IRS1: variants seen among roughly 807,000 people sequenced by gnomAD.
IRS1 encodes insulin receptor substrate 1.
A neutral mutation model predicts 65.6 loss-of-function variants in IRS1; 34 were observed. That is an observed-to-expected ratio of 0.52 (90% CI 0.39 to 0.69). The LOEUF is 0.69. Ranked by LOEUF, IRS1 falls within the 30% of genes least tolerant of loss-of-function variation. IRS1 has a pLI of 0.00. For synonymous variants in IRS1, 699 were observed against 683.5 expected (o/e 1.02, Z -0.35); for missense variants, 1,641 against 1,720.2 (o/e 0.95, Z 0.81).
At chr2:226,786,193 G>T (rs1010714297) in intron 1 of IRS1, among the ~76,000 whole-genome samples, 1 of 150,554 alleles carries the variant, frequency 6.6e-6, no homozygotes, top group Non-Finnish European at 1.5e-5. Context: ...GAATAGTGCC[G>T]CAGTAAACAT....
chr2:226,782,069 G>A (rs1268567808), intron 1 of IRS1, among the ~76,000 whole-genome samples: 1 of 152,050 alleles, frequency 6.6e-6, no homozygotes, highest in African/African-American at 2.4e-5. Flanking sequence ...CGCTTTGAAA[G>A]GAAGTTATTG....
Position 226,733,868 on chromosome 2 carries a change from T to C in IRS1, c.*2404A>G, listed in dbSNP as rs1938276760. The C allele has an allele frequency of 6.6e-6, 1 of 152,226 alleles. No homozygotes were observed. Among genetic ancestry groups the C allele is most frequent in the Non-Finnish European group, 1.5e-5 (1 of 68,046 alleles). The allele number at this position is 152,226 out of a possible 1,614,324, so 9.4% of individuals were successfully genotyped here. The stretch of plus-strand genomic sequence containing the variant: ...CCACTAGAAGCAGCTTAAATAAGAA[T>C]TTCTACCTTTATGCTTTTCGACTCA... On this transcript the variant is annotated 3_prime_UTR_variant, in exon 2 of 2. Transcript: ENST00000305123.
Position 226,797,548 on chromosome 2 carries a change from G to A in IRS1, c.1191C>T (p.Thr397=). 3 of 1,606,712 alleles carry A rather than the reference G, an allele frequency of 1.9e-6. No individual in the cohort carries two copies. The highest frequency in any genetic ancestry group is 2.5e-6 in the Non-Finnish European group (3 of 1,177,634). ...AATCCGAGGTGGAGCCATGGCCACT[G>A]GTGCTACTGGACGACAGACTGACCG... is the stretch of plus-strand genomic sequence containing the variant. The part of the protein sequence containing the change: ...TSPVSLSSSS[T]SGHGSTSDCL... Residue 397 remains threonine, a synonymous_variant, in exon 1 of 2, where the codon ACC becomes ACT. Coordinates refer to ENST00000305123, the MANE Select transcript of IRS1 (RefSeq NM_005544.3). The surrounding 1 kb of genome is among the most constrained non-coding windows in gnomAD (Gnocchi z 8.1).
chr2:226,791,333 C>T (rs897022373), intron 1 of IRS1, among the ~76,000 whole-genome samples: 1 of 152,064 alleles, frequency 6.6e-6, no homozygotes, highest in African/African-American at 2.4e-5. Flanking sequence ...GACCGGAAGA[C>T]GAAGGAACGT....
chr2:226,777,174 T>A (rs1423415638), intron 1 of IRS1, among the ~76,000 whole-genome samples: 1 of 152,168 alleles, frequency 6.6e-6, no homozygotes, highest in Non-Finnish European at 1.5e-5. Flanking sequence ...CAATAATGTG[T>A]CACATTAGTT....
intron 1 of IRS1, among the ~76,000 whole-genome samples, chr2:226,754,993 A>C (rs1446541609): frequency 6.6e-6 from 1 of 152,202 alleles, no homozygotes; most frequent in Non-Finnish European, 1.5e-5. Flanking sequence ...TATTTTGACA[A>C]ACACAAACAG....
rs1384083792 is a variant in IRS1 at position 226,795,449 on chromosome 2, C to T, written c.3290G>A (p.Arg1097Gln). The change falls in exon 1 of 2, where the codon CGG becomes CAG. Residue 1097 changes from arginine (R) to glutamine (Q), a missense_variant. Arg to Gln is a conservative substitution (Grantham distance 43). Coordinates refer to ENST00000305123, the MANE Select transcript of IRS1 (RefSeq NM_005544.3). ...VIRADPQGCR[R>Q]RHSSETFSST... ...GGAGAAAGTCTCGGAGCTATGCCTCCGCCGGCACCCTTGTGGGTCTGCACG... is the reference window on the plus strand; with the variant it reads ...GGAGAAAGTCTCGGAGCTATGCCTCTGCCGGCACCCTTGTGGGTCTGCACG... The T allele has an allele frequency of 4.3e-6, 7 of 1,613,576 alleles. No homozygotes were observed. Among genetic ancestry groups the T allele is most frequent in the East Asian group, 2.2e-5 (1 of 44,880 alleles).
In IRS1 at chr2:226,799,145, C is replaced by T; in HGVS notation, c.-407G>A. The stretch of plus-strand genomic sequence containing the variant: ...CCTGCGGTGCCCCTCCAGGAGCGCG[C>T]GCGCGCGCGCGCCTTCCCTCCTGAG... On this transcript the variant is annotated 5_prime_UTR_variant, in exon 1 of 2. Coordinates refer to ENST00000305123, the MANE Select transcript of IRS1 (RefSeq NM_005544.3). The surrounding 1 kb of genome is among the most constrained non-coding windows in gnomAD (Gnocchi z 6.1). 1 of 1,102,674 alleles carries T rather than the reference C, an allele frequency of 9.1e-7. No individual in the cohort carries two copies. The highest frequency in any genetic ancestry group is 8.4e-5 in the East Asian group (1 of 11,968). The allele number at this position is 1,102,674 out of a possible 1,614,324, so 68.3% of individuals were successfully genotyped here.
At position 226,741,830 on chromosome 2, in the gene IRS1, A is replaced by AC. The variant is rs1559146747; in HGVS notation, c.*22-5581dup. Among the ~76,000 whole-genome samples, 334 of 84,302 alleles carry AC rather than the reference A, an allele frequency of 4.0e-3. 2 individuals carry two copies. The highest frequency in any genetic ancestry group is 0.014 in the African/African-American group (317 of 23,446). The allele number at this position is 84,302 out of a possible 152,430, so 55.3% of individuals were successfully genotyped here. ...ACACACACACACACACACACACATA[A>AC]CACACACACACATATTATCATCAGT... On this transcript the variant is annotated intron_variant, in intron 1 of 1. Transcript: ENST00000305123.
chr2:226,799,041 C>G lies in IRS1; in HGVS notation c.-303G>C, dbSNP rs564325533. 4 of 1,364,392 alleles carry G rather than the reference C, an allele frequency of 2.9e-6. No individual in the cohort carries two copies. The African/African-American group carries it at 5.9e-5, about 20-fold the overall frequency. 84.5% of individuals were successfully genotyped at this position (1,364,392 alleles called of 1,614,324 possible). A position where few individuals can be genotyped will look rare whatever the true frequency, so the allele number is the denominator to read the frequency against. ...GAGCCAAGTCTCCTCTCAGCCGCCG[C>G]CGCCACCAGGAAGGAGCGAAGATGC... On this transcript the variant is annotated 5_prime_UTR_variant, in exon 1 of 2. Coordinates refer to ENST00000305123, the MANE Select transcript of IRS1 (RefSeq NM_005544.3). This position sits in a 1 kb window ranked among gnomAD's most constrained non-coding sequence, Gnocchi z 6.1.
At chr2:226,763,540 G>A (rs926072601) in intron 1 of IRS1, among the ~76,000 whole-genome samples, 1 of 152,144 alleles carries the variant, frequency 6.6e-6, no homozygotes, top group African/African-American at 2.4e-5. Flanking sequence ...TTTTTTAAAA[G>A]ATGCCATCTG....
At chr2:226,777,819 C>T (rs1939303194) in intron 1 of IRS1, among the ~76,000 whole-genome samples, 1 of 152,146 alleles carries the variant, frequency 6.6e-6, no homozygotes, top group Non-Finnish European at 1.5e-5. Flanking sequence ...ACTGTAAGCC[C>T]AATTAAACCT....
At chr2:226,769,465 C>A (rs910599062) in intron 1 of IRS1, among the ~76,000 whole-genome samples, 4 of 152,184 alleles carry the variant, frequency 2.6e-5, no homozygotes, top group African/African-American at 9.7e-5. Flanking sequence ...GCAATGCAGG[C>A]CTGCAGCACC....
At position 226,799,368 on chromosome 2, in the gene IRS1, C is replaced by T. The variant is rs893073644; in HGVS notation, c.-630G>A. 2.7e-5 allele frequency: 30 copies of T among 1,099,836 alleles called. No individual in the cohort carries two copies. The highest frequency in any genetic ancestry group is 8.4e-5 in the East Asian group (1 of 11,930). The allele number at this position is 1,099,836 out of a possible 1,614,324, so 68.1% of individuals were successfully genotyped here. On this transcript the variant is annotated 5_prime_UTR_variant, in exon 1 of 2. Coordinates refer to ENST00000305123, the MANE Select transcript of IRS1 (RefSeq NM_005544.3). The surrounding 1 kb of genome is among the most constrained non-coding windows in gnomAD (Gnocchi z 6.1). ...CGCGGCGCTGCGGCTGTTGCTGTTGCTGCTGCTGCTGCTGCTGCTGCTGCC... is the reference window on the plus strand; with the variant it reads ...CGCGGCGCTGCGGCTGTTGCTGTTGTTGCTGCTGCTGCTGCTGCTGCTGCC...
At chr2:226,748,478 C>CCTTCTGT (rs1938603879) in intron 1 of IRS1, among the ~76,000 whole-genome samples, 1 of 150,582 alleles carries the variant, frequency 6.6e-6, no homozygotes, top group Non-Finnish European at 1.5e-5. Flanking sequence ...ATATTAGATT[C>CCTTCTGT]CTTCTGTTCC....
At chr2:226,778,557 T>C (rs975403926) in intron 1 of IRS1, among the ~76,000 whole-genome samples, 1 of 152,206 alleles carries the variant, frequency 6.6e-6, no homozygotes, top group Non-Finnish European at 1.5e-5. Context: ...AAAAAAACTT[T>C]TGGAAAAGAA....
At chr2:226,746,392 T>C (rs1024026942) in intron 1 of IRS1, among the ~76,000 whole-genome samples, 2 of 152,138 alleles carry the variant, frequency 1.3e-5, no homozygotes, top group Admixed American at 6.5e-5. Context: ...AGCCAGTCAA[T>C]GCTGCTTGAG....
chr2:226,737,558 T>C (rs141118576), intron 1 of IRS1, among the ~76,000 whole-genome samples: 2 of 152,322 alleles, frequency 1.3e-5, no homozygotes, highest in Non-Finnish European at 2.9e-5. Context: ...CTAGGAAGTG[T>C]AGAAAGCTGG....
At chr2:226,772,898 C>CA (rs1939191808) in intron 1 of IRS1, among the ~76,000 whole-genome samples, 1 of 152,030 alleles carries the variant, frequency 6.6e-6, no homozygotes, top group Non-Finnish European at 1.5e-5. Flanking sequence ...GGACACTTCC[C>CA]AAAATAGCAT....
Sources: gnomAD v4.1 joint callset for allele counts (sites outside exome capture counted in the v4.1 genomes callset) on GRCh38, gnomAD v4.1.1 for gene constraint, Gnocchi (gnomAD v3.1) non-coding constraint, MANE v1.5 for transcripts, NCBI Gene and HGNC (gene_info 2026-07-23, HGNC 2026-07-21) for gene names.